Variants in LRRC71 observed in about 807,000 individuals in gnomAD.
The protein encoded by LRRC71 is leucine-rich repeat-containing protein 71.
A neutral mutation model predicts 66.6 loss-of-function variants in LRRC71; 54 were observed. The observed-to-expected ratio is 0.81, with a 90% CI of 0.65 to 1.02. The LOEUF (loss-of-function observed/expected upper bound fraction) is 1.02, where lower values mean the gene tolerates loss of function less well. LRRC71 is among the 50% of genes least tolerant of loss of function. The probability of loss-of-function intolerance (pLI) is 0.00; values close to 1 mark genes in which losing one functional copy is unlikely to be tolerated. For synonymous variants in LRRC71, 323 were observed against 303.9 expected, an observed-to-expected ratio of 1.06 and a Z score of -0.65; for missense variants, 724 against 718.0, an observed-to-expected ratio of 1.01 and a Z score of -0.10.
Position 156,920,773 on chromosome 1 carries a change from A to G in LRRC71, c.-31A>G. On this transcript the variant is annotated 5_prime_UTR_variant, in exon 1 of 15. Coordinates refer to ENST00000337428, the MANE Select transcript of LRRC71 (RefSeq NM_144702.3). The surrounding 1 kb of genome is among the most constrained non-coding windows in gnomAD (Gnocchi z 4.9). ...CGTTCTTACCTTCCTGCCCCGACGAAGGTCCCAGAGACGCTGCGGACAACA... is the reference window on the plus strand; with the variant it reads ...CGTTCTTACCTTCCTGCCCCGACGAGGGTCCCAGAGACGCTGCGGACAACA... 6.8e-7 allele frequency: 1 copy of G among 1,476,858 alleles called. No homozygotes were observed. The allele number at this position is 1,476,858 out of a possible 1,614,324, so 91.5% of individuals were successfully genotyped here. A position where few individuals can be genotyped will look rare whatever the true frequency, so the allele number is the denominator to read the frequency against.
intron 1 of LRRC71, 108 bp from the exon 2 acceptor site, chr1:156,923,841 G>A (rs929365462): frequency 2.4e-5 from 28 of 1,179,624 alleles, no homozygotes; most frequent in Admixed American, 3.4e-5. Context: ...CAAGTTGAAT[G>A]GCTGCAAAAA....
At chr1:156,928,030 C>A in intron 9 of LRRC71, 26 bp downstream of exon 9, 1 of 1,565,074 alleles carries the variant, frequency 6.4e-7, no homozygotes, top group Non-Finnish European at 8.7e-7. Flanking sequence ...GCCCCAGGAC[C>A]AGCCGAGAGC....
At position 156,927,828 on chromosome 1, in the gene LRRC71, G is replaced by T. The variant is rs1043376035; in HGVS notation, c.906+12G>T. ...TGAAGCTGGCTGAGGTGGGTGTGCCGATCAGGTGGGGCAGGGGCGTGGGCG... is the reference window on the plus strand; with the variant it reads ...TGAAGCTGGCTGAGGTGGGTGTGCCTATCAGGTGGGGCAGGGGCGTGGGCG... On this transcript the variant is annotated intron_variant, in intron 8 of 14. Coordinates refer to ENST00000337428, the MANE Select transcript of LRRC71 (RefSeq NM_144702.3). 4 of 1,613,340 alleles carry T rather than the reference G, an allele frequency of 2.5e-6. No individual in the cohort carries two copies. The highest frequency in any genetic ancestry group is 1.7e-5 in the Admixed American group (1 of 59,980).
Position 156,920,725 on chromosome 1 carries a change from C to A in LRRC71, c.-79C>A. The A allele has an allele frequency of 7.2e-7, 1 of 1,394,108 alleles. No homozygotes were observed. The highest frequency in any genetic ancestry group is 9.3e-7 in the Non-Finnish European group (1 of 1,070,418). The allele number at this position is 1,394,108 out of a possible 1,614,324, so 86.4% of individuals were successfully genotyped here. On this transcript the variant is annotated 5_prime_UTR_variant, in exon 1 of 15. Coordinates refer to ENST00000337428, the MANE Select transcript of LRRC71 (RefSeq NM_144702.3). This position sits in a 1 kb window ranked among gnomAD's most constrained non-coding sequence, Gnocchi z 4.9. ...ACAGAGATCCCCTGATTCAGCCACC[C>A]CCAGACTGAGCCCCGTAGAGTGCGT...
At position 156,927,281 on chromosome 1, in the gene LRRC71, C is replaced by CT. The variant is rs1653344795; in HGVS notation, c.662+12dup. 6.2e-7 allele frequency: 1 copy of CT among 1,612,412 alleles called. No individual in the cohort carries two copies. Among genetic ancestry groups the CT allele is most frequent in the African/African-American group, 1.3e-5 (1 of 74,876 alleles). On this transcript the variant is annotated intron_variant, in intron 6 of 14. Transcript: ENST00000337428. Reference sequence around the variant, plus strand: ...GGCCTTGGACAGCACGTGAGACTCCCTGCCCTCACCCCCTTTCTCTGGGCC... The same window carrying CT: ...GGCCTTGGACAGCACGTGAGACTCCCTTGCCCTCACCCCCTTTCTCTGGGCC...
chr1:156,928,350 T>TCTTCTTC (rs1557788715), intron 9 of LRRC71, among the ~76,000 whole-genome samples: 3 of 76,964 alleles, frequency 3.9e-5, no homozygotes, highest in Non-Finnish European at 8.2e-5. Context: ...CTTCTTTCTT[T>TCTTCTTC]CTCTTCTTCT....
chr1:156,924,052 C>T lies in LRRC71; in HGVS notation c.264C>T (p.His88=), dbSNP rs973639442. 13 of 1,548,336 alleles carry T rather than the reference C, an allele frequency of 8.4e-6. No individual in the cohort carries two copies. Among genetic ancestry groups the T allele is most frequent in the Non-Finnish European group, 1.1e-5 (13 of 1,145,916 alleles). The change falls in exon 2 of 15, where the codon CAC becomes CAT. Residue 88 remains histidine (H), a synonymous_variant. Transcript: ENST00000337428. Reference sequence around the variant, plus strand: ...AAGTTGTCAACCGGCCCCGCCCCCACCCGCCCTTCGTCCCCTCCGCCTCTT... The same window carrying T: ...AAGTTGTCAACCGGCCCCGCCCCCATCCGCCCTTCGTCCCCTCCGCCTCTT... ...FPKVVNRPRP[H]PPFVPSASLS...
intron 5 of LRRC71, among the ~76,000 whole-genome samples, chr1:156,926,581 CT>C (rs60071581): frequency 2.3e-4 from 31 of 135,516 alleles, no homozygotes; most frequent in Admixed American, 3.6e-4. Context: ...CCCACCTCTT[CT>C]TTTTTTTTTG....
downstream of LRRC71, among the ~76,000 whole-genome samples, chr1:156,933,985 T>C (rs1654700160): frequency 6.6e-6 from 1 of 152,218 alleles, no homozygotes; most frequent in South Asian, 2.1e-4. Flanking sequence ...GCCCTCCTAG[T>C]CTGACTGTCC....
chr1:156,932,688 T>C (rs778363096), intron 14 of LRRC71, 143 bp downstream of exon 14: 3 of 1,572,198 alleles, frequency 1.9e-6, no homozygotes, highest in Non-Finnish European at 2.6e-6. Flanking sequence ...AATCACAACA[T>C]AACCTCCATT....
At chr1:156,938,266 G>T in the LRRC71 span, 1 of 662,454 alleles carries the variant, frequency 1.5e-6, no homozygotes, top group Non-Finnish European at 2.5e-6. Context: ...AGATCTCCCC[G>T]TCTTTAGAGC....
Position 156,924,532 on chromosome 1 carries a change from T to C in LRRC71, c.419T>C (p.Val140Ala). 4 of 1,551,330 alleles carry C rather than the reference T, an allele frequency of 2.6e-6. No individual in the cohort carries two copies. Among genetic ancestry groups the C allele is most frequent in the Non-Finnish European group, 3.5e-6 (4 of 1,146,934 alleles). The change falls in exon 3 of 15, where the codon GTG becomes GCG. Residue 140 changes from valine (V) to alanine (A), a missense_variant. Coordinates refer to ENST00000337428, the MANE Select transcript of LRRC71 (RefSeq NM_144702.3). ...CTGGAGCAGGAGGACAGCAAGTCAG[T>C]GAAGGAAATCTACATCCGCGGTGAG... ...VELEQEDSKS[V>A]KEIYIRGWKV...
chr1:156,940,497 T>C, the LRRC71 span: 3 of 1,415,108 alleles, frequency 2.1e-6, no homozygotes, highest in Non-Finnish European at 2.9e-6. Context: ...TATGGGCAGC[T>C]TTGGAGCCAA....
At chr1:156,921,371 A>G (rs1218972595) in intron 1 of LRRC71, among the ~76,000 whole-genome samples, 1 of 152,222 alleles carries the variant, frequency 6.6e-6, no homozygotes, top group Non-Finnish European at 1.5e-5. Flanking sequence ...TCCTCTGGGA[A>G]AAGAAAATGA....
intron 2 of LRRC71, 36 bp from the exon 3 acceptor site, chr1:156,924,388 T>G: frequency 6.5e-7 from 1 of 1,539,776 alleles, no homozygotes; most frequent in Non-Finnish European, 8.8e-7. Flanking sequence ...GCCCTGGAGG[T>G]GGCTGTTCCC....
chr1:156,936,016 G>A (rs780789249), downstream of LRRC71: 3 of 1,613,676 alleles, frequency 1.9e-6, no homozygotes, highest in Non-Finnish European at 2.5e-6. Flanking sequence ...TCCTGGTGAC[G>A]CGGCTGCGTC....
chr1:156,926,328 T>G lies in LRRC71; in HGVS notation c.594-874T>G, dbSNP rs115481103. Among the ~76,000 whole-genome samples the G allele has an allele frequency of 5.3e-3, 814 of 152,318 alleles. 5 individuals are homozygous for G. Among genetic ancestry groups the G allele is most frequent in the African/African-American group, 0.019 (782 of 41,574 alleles). On this transcript the variant is annotated intron_variant, in intron 5 of 14. Coordinates refer to ENST00000337428, the MANE Select transcript of LRRC71 (RefSeq NM_144702.3). ...GTACAGCTGCTGACTGTGGCTGCAC[T>G]TACCTCAAGGATCAACTGTGGTGGA...
intron 1 of LRRC71, chr1:156,921,756 CACA>C: frequency 2.1e-6 from 1 of 484,260 alleles, no homozygotes; most frequent in Non-Finnish European, 2.7e-6. Context: ...CACACACACA[CACA>C]CACAGACATG....
chr1:156,928,291 C>A lies in LRRC71; in HGVS notation c.996+287C>A, dbSNP rs1653548580. Reference sequence around the variant, plus strand: ...GGCTCATCCATATCCCAGCTTGTAACCTTGGGCATGTTACTAAACAACTTC... The same window carrying A: ...GGCTCATCCATATCCCAGCTTGTAAACTTGGGCATGTTACTAAACAACTTC... On this transcript the variant is annotated intron_variant, in intron 9 of 14. Transcript: ENST00000337428. Among the ~76,000 whole-genome samples the A allele has an allele frequency of 2.0e-5, 3 of 152,104 alleles. No individual in the cohort carries two copies. In the South Asian group the frequency reaches 6.2e-4, roughly 32 times the overall value.
Sources: allele counts gnomAD v4.1 joint callset (sites outside exome capture counted in the v4.1 genomes callset), GRCh38; gene constraint gnomAD v4.1.1; non-coding constraint Gnocchi (gnomAD v3.1); transcripts MANE v1.5; gene names NCBI Gene and HGNC (gene_info 2026-07-23, HGNC 2026-07-21).